The following SSC4D variants were observed in gnomAD, a reference collection of about 807,000 sequenced individuals.
SSC4D encodes scavenger receptor cysteine rich family member with 4 domains.
In SSC4D, 57 loss-of-function variants were observed where a neutral mutation model predicts 63.4. That is an observed-to-expected ratio of 0.90 (90% CI 0.73 to 1.12). SSC4D has a LOEUF of 1.12. SSC4D is among the 50% of genes most tolerant of loss of function. The probability of loss-of-function intolerance (pLI) is 0.00; values close to 1 mark genes in which losing one functional copy is unlikely to be tolerated. For missense variants in SSC4D, 791 were observed against 806.4 expected, an observed-to-expected ratio of 0.98 and a Z score of 0.23; for synonymous variants, 352 against 345.4, an observed-to-expected ratio of 1.02 and a Z score of -0.21.
Position 76,393,527 on chromosome 7 carries a change from C to T in SSC4D, c.1211G>A (p.Gly404Asp). 1 of 1,524,614 alleles carries T rather than the reference C, an allele frequency of 6.6e-7. No homozygotes were observed. The highest frequency in any genetic ancestry group is 8.8e-7 in the Non-Finnish European group (1 of 1,142,790). 94.4% of individuals were successfully genotyped at this position (1,524,614 alleles called of 1,614,324 possible). The change falls in exon 9 of 11, where the codon GGC becomes GAC. Residue 404 changes from glycine to aspartate, a missense_variant. Coordinates refer to ENST00000275560, the MANE Select transcript of SSC4D (RefSeq NM_080744.2). Reference sequence around the variant, plus strand: ...GCCCACGTTGTCCAGCAGCACGGGGCCGCGGCCGTAGCCGAAGTGGCCCAG... The same window carrying T: ...GCCCACGTTGTCCAGCAGCACGGGGTCGCGGCCGTAGCCGAAGTGGCCCAG... ...TGLGHFGYGR[G>D]PVLLDNVGCA... is the part of the protein sequence containing the mutation.
At chr7:76,399,768 G>C (rs753302110) in intron 4 of SSC4D, among the ~76,000 whole-genome samples, 1 of 151,844 alleles carries the variant, frequency 6.6e-6, no homozygotes, top group African/African-American at 2.4e-5. Flanking sequence ...AAGCAATCTT[G>C]CCACCTTGGC....
chr7:76,393,343 C>T (rs1183997428), intron 9 of SSC4D, 62 bp downstream of exon 9: 12 of 1,292,112 alleles, frequency 9.3e-6, no homozygotes, highest in Admixed American at 4.1e-5. Flanking sequence ...GGCGCCGCCC[C>T]GCCCCTCCCA....
intron 7 of SSC4D, among the ~76,000 whole-genome samples, chr7:76,394,295 A>G (rs1033809183): frequency 2.6e-5 from 4 of 151,952 alleles, no homozygotes; most frequent in African/African-American, 7.3e-5. Context: ...CCCAGGCTGG[A>G]GTGCAGTGGT....
intron 7 of SSC4D, among the ~76,000 whole-genome samples, chr7:76,394,676 C>G (rs1375439754): frequency 1.3e-5 from 2 of 148,440 alleles, no homozygotes; most frequent in Non-Finnish European, 1.5e-5. Flanking sequence ...GATCCACCTG[C>G]CTCAGCCTCC....
At position 76,405,920 on chromosome 7, in the gene SSC4D, C is replaced by G. The variant is rs530568630; in HGVS notation, c.-66-1415G>C. Among the ~76,000 whole-genome samples, 12 of 152,072 alleles carry G rather than the reference C, an allele frequency of 7.9e-5. No individual in the cohort carries two copies. The South Asian group carries it at 2.5e-3, about 32-fold the overall frequency. On this transcript the variant is annotated intron_variant, in intron 1 of 10. Coordinates refer to ENST00000275560, the MANE Select transcript of SSC4D (RefSeq NM_080744.2). ...CTTCTGTCCCTCCTTCCCTCCCTCTCTCCCTTTCTTGCCTCCCTCCCTTTC... is the reference window on the plus strand; with the variant it reads ...CTTCTGTCCCTCCTTCCCTCCCTCTGTCCCTTTCTTGCCTCCCTCCCTTTC...
intron 1 of SSC4D, among the ~76,000 whole-genome samples, chr7:76,405,339 C>CTTTTTTT (rs1193527373): frequency 4.7e-5 from 1 of 21,390 alleles, no homozygotes; most frequent in Non-Finnish European, 8.0e-5. Context: ...TTCTTTCTTT[C>CTTTTTTT]TTTTTTTTTT....
rs1440112715 is a variant in SSC4D, at chr7:76,393,660, A to G, written c.1078T>C (p.Leu360=). The change falls in exon 9 of 11, where the codon TTG becomes CTG. Residue 360 remains leucine (L), a synonymous_variant. Transcript: ENST00000275560. ...ACGGTGCCCCAGCCCCCGGCGTGCA[A>G]CACCTCCACGCGGCCGCGGCACGGA... The part of the protein sequence containing the change: ...PGPCRGRVEV[L]HAGGWGTVCD... The G allele has an allele frequency of 4.1e-6, 6 of 1,464,174 alleles. No individual in the cohort carries two copies. Among genetic ancestry groups the G allele is most frequent in the Non-Finnish European group, 5.4e-6 (6 of 1,113,640 alleles). 90.7% of individuals were successfully genotyped at this position (1,464,174 alleles called of 1,614,324 possible).
rs1271510975 is a variant in SSC4D, at chr7:76,405,339, C to CTTTCTTTCT, written c.-66-835_-66-834insAGAAAGAAA. 5.5e-3 allele frequency among the ~76,000 whole-genome samples: 117 copies of CTTTCTTTCT among 21,378 alleles called. 12 individuals carry two copies. The highest frequency in any genetic ancestry group is 0.013 in the African/African-American group (60 of 4,724). 14.0% of individuals were successfully genotyped at this position (21,378 alleles called of 152,430 possible). On this transcript the variant is annotated intron_variant, in intron 1 of 10. Transcript: ENST00000275560. ...TATGTATTTTTTTCTTTCTTTCTTTCTTTTTTTTTTTTTTTTTTTTTTGGT... is the reference window on the plus strand; with the variant it reads ...TATGTATTTTTTTCTTTCTTTCTTTCTTTCTTTCTTTTTTTTTTTTTTTTTTTTTTTGGT...
rs752442837 is a variant in SSC4D, at chr7:76,390,393, TG to T, written c.1412-19del. 1 of 1,560,622 alleles carries T rather than the reference TG, an allele frequency of 6.4e-7. No homozygotes were observed. Among genetic ancestry groups the T allele is most frequent in the South Asian group, 1.2e-5 (1 of 82,584 alleles). On this transcript the variant is annotated intron_variant, in intron 10 of 10. Coordinates refer to ENST00000275560, the MANE Select transcript of SSC4D (RefSeq NM_080744.2). ...TAGATGCCCTGTGGGGGGACAGGGC[TG>T]GGTTGGAAGGGGCTGGTCCATGCCA...
chr7:76,402,355 T>C (rs1413515827), intron 2 of SSC4D, among the ~76,000 whole-genome samples: 1 of 151,944 alleles, frequency 6.6e-6, no homozygotes, highest in Non-Finnish European at 1.5e-5. Flanking sequence ...AATTTTTATA[T>C]TTTTTAGGTA....
At chr7:76,401,088 T>C in intron 2 of SSC4D, 45 bp from the exon 3 acceptor site, 1 of 1,502,604 alleles carries the variant, frequency 6.7e-7, no homozygotes, top group Middle Eastern at 1.7e-4. Flanking sequence ...GCCCACACCA[T>C]GGCTCCCTGG....
At chr7:76,394,439 C>A (rs932502427) in intron 7 of SSC4D, among the ~76,000 whole-genome samples, 2 of 147,868 alleles carry the variant, frequency 1.4e-5, no homozygotes, top group East Asian at 2.0e-4. Flanking sequence ...TACAGAGTTT[C>A]GCTCTGTCTC....
intron 2 of SSC4D, among the ~76,000 whole-genome samples, chr7:76,402,270 C>T (rs1563685335): frequency 6.6e-6 from 1 of 151,148 alleles, no homozygotes; most frequent in Non-Finnish European, 1.5e-5. Context: ...GCCTCTGCCT[C>T]CTGGGTTCAA....
At chr7:76,396,132 A>T (rs1166216420) in intron 6 of SSC4D, among the ~76,000 whole-genome samples, 1 of 152,212 alleles carries the variant, frequency 6.6e-6, no homozygotes. Flanking sequence ...AACAAAAAAC[A>T]AAAAAACAAC....
At chr7:76,406,879 G>A (rs1444235473) in intron 1 of SSC4D, among the ~76,000 whole-genome samples, 2 of 150,962 alleles carry the variant, frequency 1.3e-5, no homozygotes, top group Non-Finnish European at 1.5e-5. Flanking sequence ...CTTTTTTTAT[G>A]TATTTGTGTG....
In SSC4D at chr7:76,404,471, A is replaced by G; in HGVS notation, c.-32T>C. On this transcript the variant is annotated 5_prime_UTR_variant, in exon 2 of 11. An upstream start codon of the reference 5' UTR is lost. Coordinates refer to ENST00000275560, the MANE Select transcript of SSC4D (RefSeq NM_080744.2). Reference sequence around the variant, plus strand: ...GGTGAAGGGTGTTTCAGATGCTCCCATCAAGGCGCCAGGGAGAAGTCACAG... The same window carrying G: ...GGTGAAGGGTGTTTCAGATGCTCCCGTCAAGGCGCCAGGGAGAAGTCACAG... The G allele has an allele frequency of 6.2e-7, 1 of 1,613,756 alleles. No individual in the cohort carries two copies. The highest frequency in any genetic ancestry group is 8.5e-7 in the Non-Finnish European group (1 of 1,179,992).
chr7:76,391,360 G>C (rs1405432912), intron 10 of SSC4D, among the ~76,000 whole-genome samples: 1 of 151,066 alleles, frequency 6.6e-6, no homozygotes, highest in Non-Finnish European at 1.5e-5. Flanking sequence ...AGAATCGCTT[G>C]AACCTGGGAG....
rs1402572108 is a variant in SSC4D, at chr7:76,405,307, A to T, written c.-66-802T>A. 8.0e-3 allele frequency among the ~76,000 whole-genome samples: 371 copies of T among 46,154 alleles called. 10 individuals are homozygous for T. The highest frequency in any genetic ancestry group is 0.013 in the African/African-American group (108 of 8,258). 30.3% of individuals were successfully genotyped at this position (46,154 alleles called of 152,430 possible). ...TATATATATATATATATATATATAT[A>T]TATATATATGTATTTTTTTCTTTCT... On this transcript the variant is annotated intron_variant, in intron 1 of 10. Transcript: ENST00000275560.
chr7:76,394,978 T>C lies in SSC4D; in HGVS notation c.946+275A>G, dbSNP rs548856989. On this transcript the variant is annotated intron_variant, in intron 7 of 10. Coordinates refer to ENST00000275560, the MANE Select transcript of SSC4D (RefSeq NM_080744.2). ...CCTGTTTCCCAAAGTGCTGGGATTA[T>C]AGGAGTGAGCCACCGCCCACATCCC... Among the ~76,000 whole-genome samples the C allele has an allele frequency of 1.6e-3, 243 of 150,552 alleles. 4 individuals are homozygous for C. The highest frequency in any genetic ancestry group is 5.7e-3 in the African/African-American group (233 of 41,140).
Sources: gnomAD v4.1 joint callset for allele counts (sites outside exome capture counted in the v4.1 genomes callset) on GRCh38, gnomAD v4.1.1 for gene constraint, MANE v1.5 for transcripts, NCBI Gene and HGNC (gene_info 2026-07-23, HGNC 2026-07-21) for gene names.